IQUB: variants seen among roughly 807,000 people sequenced by gnomAD.
IQUB encodes IQ motif and ubiquitin domain containing, also known as IQ motif and ubiquitin-like domain-containing protein.
IQUB carries 86 observed loss-of-function variants against 86.4 expected under a neutral mutation model. The ratio of observed to expected loss-of-function variants is 1.00; its 90% CI spans 0.84 to 1.19. The LOEUF (loss-of-function observed/expected upper bound fraction) is 1.19, where lower values mean the gene tolerates loss of function less well. IQUB is among the 50% of genes most tolerant of loss of function. The pLI, the probability that IQUB is intolerant of heterozygous loss-of-function variation, is 0.00. For synonymous variants in IQUB, 289 were observed against 304.5 expected (o/e 0.95, Z 0.53); for missense variants, 946 against 916.9 (o/e 1.03, Z -0.41).
rs569220448 is a variant in IQUB at position 123,529,164 on chromosome 7, C to T, written c.-5+5328G>A. 2.2e-4 allele frequency among the ~76,000 whole-genome samples: 33 copies of T among 152,186 alleles called. No homozygotes were observed. In the East Asian group the frequency reaches 6.0e-3, roughly 28 times the overall value. On this transcript the variant is annotated intron_variant, in intron 1 of 12. Transcript: ENST00000324698. ...AAATAAGAAGTAAAAGTATTTCAGA[C>T]ATGCTAATTTTATTTCTCATTGTTA...
chr7:123,523,468 T>C (rs1797013022), intron 1 of IQUB, among the ~76,000 whole-genome samples: 1 of 152,126 alleles, frequency 6.6e-6, no homozygotes, highest in Non-Finnish European at 1.5e-5. Flanking sequence ...GTTGAGCATT[T>C]TTTCATGTGT....
chr7:123,510,096 A>T, intron 2 of IQUB, 61 bp from the exon 3 acceptor site: 2 of 1,086,450 alleles, frequency 1.8e-6, no homozygotes, highest in Non-Finnish European at 2.7e-6. Flanking sequence ...AGCAAACTAC[A>T]GTCCACAAAC....
intron 3 of IQUB, among the ~76,000 whole-genome samples, chr7:123,503,752 T>A (rs1335330856): frequency 6.6e-6 from 1 of 151,878 alleles, no homozygotes; most frequent in Non-Finnish European, 1.5e-5. Flanking sequence ...TATTTACTCA[T>A]AGGAACACAT....
At chr7:123,529,893 C>T (rs1457394627) in intron 1 of IQUB, among the ~76,000 whole-genome samples, 2 of 151,880 alleles carry the variant, frequency 1.3e-5, no homozygotes, top group South Asian at 2.1e-4. Context: ...ATTAGCTGGG[C>T]GTGGTGGCAT....
intron 11 of IQUB, among the ~76,000 whole-genome samples, chr7:123,460,840 C>A (rs750661205): frequency 3.3e-5 from 5 of 151,794 alleles, no homozygotes; most frequent in African/African-American, 7.3e-5. Flanking sequence ...GAAGTTCTTA[C>A]GAGAAGCAGA....
At chr7:123,510,721 T>A (rs1023026751) in intron 2 of IQUB, among the ~76,000 whole-genome samples, 1 of 152,092 alleles carries the variant, frequency 6.6e-6, no homozygotes, top group African/African-American at 2.4e-5. Context: ...AATAAGACAT[T>A]TATCAATAAC....
chr7:123,502,976 C>T lies in IQUB; in HGVS notation c.835G>A (p.Glu279Lys), dbSNP rs140581147. 88 of 1,612,176 alleles carry T rather than the reference C, an allele frequency of 5.5e-5. No individual in the cohort carries two copies. The highest frequency in any genetic ancestry group is 1.2e-4 in the South Asian group (11 of 90,846). ...GTQTVPKRIP[E>K]RLSIFCRDTQ... The stretch of plus-strand genomic sequence containing the variant: ...TCCCTACAAAATATACTGAGTCTTT[C>T]GGGAATCCTTTTAGGTACAGTTTGT... Residue 279 changes from glutamate (E) to lysine (K), a missense_variant, in exon 5 of 13, where the codon GAA (glutamate) becomes AAA (lysine). Coordinates refer to ENST00000324698, the MANE Select transcript of IQUB (RefSeq NM_178827.5).
intron 6 of IQUB, chr7:123,502,288 G>T: frequency 3.5e-6 from 1 of 285,262 alleles, no homozygotes; most frequent in African/African-American, 2.2e-5. Flanking sequence ...AAGTTCCCTT[G>T]GTGATTCTAC....
At chr7:123,530,440 A>C (rs1368308406) in intron 1 of IQUB, among the ~76,000 whole-genome samples, 3 of 152,170 alleles carry the variant, frequency 2.0e-5, no homozygotes, top group African/African-American at 7.2e-5. Context: ...GAAAAAAAAC[A>C]AAAAACCAAA....
intron 1 of IQUB, among the ~76,000 whole-genome samples, chr7:123,523,715 C>A (rs1399850000): frequency 6.6e-6 from 1 of 151,978 alleles, no homozygotes; most frequent in Non-Finnish European, 1.5e-5. Flanking sequence ...TAATTAGATC[C>A]CATTTGTCAA....
intron 8 of IQUB, among the ~76,000 whole-genome samples, chr7:123,471,493 A>G (rs968514528): frequency 2.0e-5 from 3 of 152,124 alleles, no homozygotes; most frequent in Non-Finnish European, 2.9e-5. Context: ...TCTTCCAGTA[A>G]TTTGGACAAC....
At chr7:123,527,850 G>A (rs982961506) in intron 1 of IQUB, among the ~76,000 whole-genome samples, 2 of 152,222 alleles carry the variant, frequency 1.3e-5, no homozygotes, top group South Asian at 2.1e-4. Context: ...CACCCAGTTG[G>A]AGCTTCCCAG....
chr7:123,453,033 T>A, intron 12 of IQUB, 108 bp from the exon 13 acceptor site: 1 of 769,998 alleles, frequency 1.3e-6, no homozygotes, highest in Non-Finnish European at 2.0e-6. Context: ...CATCCCAGAC[T>A]ACCTTTATTT....
chr7:123,525,499 G>C (rs1489164838), intron 1 of IQUB, among the ~76,000 whole-genome samples: 1 of 152,054 alleles, frequency 6.6e-6, no homozygotes, highest in Admixed American at 6.6e-5. Flanking sequence ...AGAGGTGTTT[G>C]TAGTATTCTC....
intron 3 of IQUB, among the ~76,000 whole-genome samples, chr7:123,507,985 C>CA (rs1562865706): frequency 6.6e-6 from 1 of 152,044 alleles, no homozygotes; most frequent in Non-Finnish European, 1.5e-5. Context: ...CCTTATATGG[C>CA]AAAAGTGGCT....
chr7:123,492,829 T>C (rs548719885), intron 7 of IQUB, among the ~76,000 whole-genome samples: 1 of 152,232 alleles, frequency 6.6e-6, no homozygotes, highest in South Asian at 2.1e-4. Context: ...GACAGATGTA[T>C]CTGCACTCTA....
At chr7:123,469,132 C>G in intron 9 of IQUB, 82 bp downstream of exon 9, 1 of 975,510 alleles carries the variant, frequency 1.0e-6, no homozygotes, top group Non-Finnish European at 1.4e-6. Flanking sequence ...TAATGTAAAA[C>G]ACTTTACTTG....
chr7:123,483,481 T>G (rs188505007), intron 7 of IQUB, among the ~76,000 whole-genome samples: 268 of 152,220 alleles, frequency 1.8e-3, no homozygotes, highest in Admixed American at 1.9e-3. Context: ...TTCTCTGATA[T>G]GGTTATTATA....
intron 1 of IQUB, among the ~76,000 whole-genome samples, chr7:123,531,205 T>C (rs1359105002): frequency 1.3e-5 from 2 of 152,136 alleles, no homozygotes; most frequent in Non-Finnish European, 2.9e-5. Context: ...CAAAAAACTT[T>C]ATAATAAAGA....
Sources: allele counts gnomAD v4.1 joint callset (sites outside exome capture counted in the v4.1 genomes callset), GRCh38; gene constraint gnomAD v4.1.1; transcripts MANE v1.5; gene names NCBI Gene and HGNC (gene_info 2026-07-23, HGNC 2026-07-21).